Variants in ADAM19 observed in about 807,000 individuals in gnomAD.
ADAM19 encodes ADAM metallopeptidase domain 19.
ADAM19 carries 65 observed loss-of-function variants against 114.7 expected under a neutral mutation model. The observed-to-expected ratio is 0.57, with a 90% CI of 0.46 to 0.70. ADAM19 has a LOEUF of 0.70. ADAM19 is among the 30% of genes least tolerant of loss of function. ADAM19 has a pLI of 0.00. For synonymous variants in ADAM19, 466 were observed against 460.5 expected (o/e 1.01, Z -0.15); for missense variants, 1,063 against 1,204.7 (o/e 0.88, Z 1.74).
Position 157,494,705 on chromosome 5 carries a change from T to C in ADAM19, c.1685A>G (p.His562Arg). 6.2e-7 allele frequency: 1 copy of C among 1,613,580 alleles called. No homozygotes were observed. ...TCATCACCTCATGTTGCACTTCCTG[T>C]GTTCACCATTCATGTCCTTTCCACA... Reference protein sequence around the residue: ...GNCGKDMNGEHRKCNMRDAKC... With the variant: ...GNCGKDMNGERRKCNMRDAKC... The change falls in exon 15 of 23, where the codon CAC becomes CGC. Residue 562 changes from histidine to arginine, a missense_variant. His to Arg is a conservative substitution (Grantham distance 29). Coordinates refer to ENST00000257527, the MANE Select transcript of ADAM19 (RefSeq NM_033274.5).
In ADAM19 at chr5:157,479,042, G is replaced by A; in HGVS notation, c.*1907C>T. 1 of 985,808 alleles carries A rather than the reference G, an allele frequency of 1.0e-6. No individual in the cohort carries two copies. The highest frequency in any genetic ancestry group is 1.2e-6 in the Non-Finnish European group (1 of 829,954). The allele number at this position is 985,808 out of a possible 1,614,324, so 61.1% of individuals were successfully genotyped here. On this transcript the variant is annotated 3_prime_UTR_variant, in exon 23 of 23. Transcript: ENST00000257527. Reference sequence around the variant, plus strand: ...CTTTACTTTCCAGGAACCAAGCCTTGAGGCAGAGGGTAGCACATTTAAATA... The same window carrying A: ...CTTTACTTTCCAGGAACCAAGCCTTAAGGCAGAGGGTAGCACATTTAAATA...
intron 4 of ADAM19, 87 bp downstream of exon 4, chr5:157,537,826 C>T: frequency 4.8e-6 from 6 of 1,252,530 alleles, no homozygotes; most frequent in South Asian, 2.5e-5. Context: ...AGAGGAGAGA[C>T]CAACTCCATC....
At chr5:157,568,355 A>T (rs1168328249) in intron 2 of ADAM19, 4 of 152,172 alleles carry the variant, frequency 2.6e-5, no homozygotes, top group South Asian at 2.1e-4. Flanking sequence ...ACTGATATTT[A>T]AAAAAGGATG....
intron 4 of ADAM19, among the ~76,000 whole-genome samples, chr5:157,532,979 G>A (rs1284722772): frequency 7.2e-5 from 11 of 152,166 alleles, no homozygotes; most frequent in Admixed American, 4.6e-4. Context: ...AGTGGCAGGC[G>A]ATAAACATCG....
intron 7 of ADAM19, among the ~76,000 whole-genome samples, chr5:157,517,188 C>T (rs182470138): frequency 5.9e-4 from 90 of 152,242 alleles, no homozygotes; most frequent in African/African-American, 2.2e-3. Context: ...AGTGCTCTCC[C>T]CACCACCAGG....
At chr5:157,546,697 T>C (rs991590724) in intron 3 of ADAM19, among the ~76,000 whole-genome samples, 1 of 152,184 alleles carries the variant, frequency 6.6e-6, no homozygotes, top group African/African-American at 2.4e-5. Context: ...TTGGCCCTTC[T>C]GGCCCTCTCC....
At chr5:157,500,884 C>G (rs952338694) in intron 12 of ADAM19, among the ~76,000 whole-genome samples, 5 of 152,198 alleles carry the variant, frequency 3.3e-5, no homozygotes, top group African/African-American at 1.2e-4. Flanking sequence ...CCACAGATCT[C>G]TCCACCACAG....
intron 7 of ADAM19, among the ~76,000 whole-genome samples, chr5:157,516,426 G>A (rs1236872162): frequency 2.6e-5 from 4 of 152,174 alleles, no homozygotes; most frequent in African/African-American, 7.2e-5. Flanking sequence ...CTCTGGAGGT[G>A]TGCTGTGACT....
At chr5:157,556,209 C>CTTTTTTTTTTTTTTTTTTTTT (rs68078503) in intron 3 of ADAM19, among the ~76,000 whole-genome samples, 1 of 66,328 alleles carries the variant, frequency 1.5e-5, no homozygotes, top group African/African-American at 6.0e-5. Flanking sequence ...TTTTCTTTTT[C>CTTTTTTTTTTTTTTTTTTTTT]TTTTTTTTTT....
At position 157,519,887 on chromosome 5, in the gene ADAM19, C is replaced by T; in HGVS notation, c.552G>A (p.Arg184=). 6.2e-7 allele frequency: 1 copy of T among 1,614,032 alleles called. No homozygotes were observed. Among genetic ancestry groups the T allele is most frequent in the Non-Finnish European group, 8.5e-7 (1 of 1,179,994 alleles). Residue 184 remains arginine, a synonymous_variant, in exon 6 of 23, where the codon AGG becomes AGA. Coordinates refer to ENST00000257527, the MANE Select transcript of ADAM19 (RefSeq NM_033274.5). ...GTTGTGTAAACTGAAGAGCCCAGTC[C>T]CTGGTGGTGGGCTTGGAGTGCTCGA... ...CGFEHSKPTT[R]DWALQFTQQT...
chr5:157,564,118 C>A (rs1186384654), intron 3 of ADAM19, among the ~76,000 whole-genome samples: 1 of 152,222 alleles, frequency 6.6e-6, no homozygotes, highest in Non-Finnish European at 1.5e-5. Context: ...TCTGTGTGCC[C>A]GCAGTGAACT....
rs1754670016 is a variant in ADAM19, at chr5:157,478,886, T to G, written c.*2063A>C. ...TCACTATGGCTGTGGCGCTGTCATT[T>G]CAGAGCTATCTACCTCCTGATGTGA... is the stretch of plus-strand genomic sequence containing the variant. On this transcript the variant is annotated 3_prime_UTR_variant, in exon 23 of 23. Transcript: ENST00000257527. The G allele has an allele frequency of 2.0e-6, 2 of 985,766 alleles. No individual in the cohort carries two copies. Among genetic ancestry groups the G allele is most frequent in the Non-Finnish European group, 2.4e-6 (2 of 829,948 alleles). 61.1% of individuals were successfully genotyped at this position (985,766 alleles called of 1,614,324 possible).
At chr5:157,526,105 T>A (rs1756444649) in intron 5 of ADAM19, among the ~76,000 whole-genome samples, 1 of 151,500 alleles carries the variant, frequency 6.6e-6, no homozygotes, top group African/African-American at 2.4e-5. Flanking sequence ...GGAAAAAAAA[T>A]ACAAAACTGT....
rs1757952792 is a variant in ADAM19, at chr5:157,575,640, G to A, written c.57C>T (p.Pro19=). ...RLCLLAFALQ[P]LRPRAAREPG... is the part of the protein sequence containing the mutation. ...GCTCCCGCGCCGCCCGCGGCCGGAG[G>A]GGCTGCAGGGCAAACGCCAGCAAGC... Residue 19 remains proline (P), a synonymous_variant, in exon 1 of 23, where the codon CCC becomes CCT. Coordinates refer to ENST00000257527, the MANE Select transcript of ADAM19 (RefSeq NM_033274.5). The A allele has an allele frequency of 7.0e-7, 1 of 1,428,206 alleles. No homozygotes were observed. The highest frequency in any genetic ancestry group is 9.1e-7 in the Non-Finnish European group (1 of 1,097,826). The allele number at this position is 1,428,206 out of a possible 1,614,324, so 88.5% of individuals were successfully genotyped here.
intron 1 of ADAM19, chr5:157,572,425 T>C (rs1757856735): frequency 3.0e-6 from 1 of 336,696 alleles, no homozygotes; most frequent in Admixed American, 3.4e-5. Context: ...GTAGTGTTCC[T>C]GGGAATGGGG....
intron 11 of ADAM19, among the ~76,000 whole-genome samples, chr5:157,504,593 A>T (rs1306224067): frequency 6.6e-6 from 1 of 152,146 alleles, no homozygotes; most frequent in Non-Finnish European, 1.5e-5. Flanking sequence ...TAATTTTAAA[A>T]AATTGACACC....
chr5:157,573,352 T>A (rs1382500049), intron 1 of ADAM19, among the ~76,000 whole-genome samples: 1 of 152,230 alleles, frequency 6.6e-6, no homozygotes, highest in Non-Finnish European at 1.5e-5. Context: ...ATTGACTTTT[T>A]ATTTACCATT....
chr5:157,552,666 G>A (rs1171322983), intron 3 of ADAM19, among the ~76,000 whole-genome samples: 13 of 142,048 alleles, frequency 9.2e-5, no homozygotes, highest in South Asian at 6.9e-4. Context: ...GTGACAGAGC[G>A]GGACTCTACT....
chr5:157,518,522 T>C (rs1756161794), intron 7 of ADAM19, among the ~76,000 whole-genome samples: 1 of 152,160 alleles, frequency 6.6e-6, no homozygotes, highest in Admixed American at 6.5e-5. Flanking sequence ...GTAGCTGGGA[T>C]TACAGGCATG....
Sources: gnomAD v4.1 joint callset for allele counts (sites outside exome capture counted in the v4.1 genomes callset) on GRCh38, gnomAD v4.1.1 for gene constraint, MANE v1.5 for transcripts, NCBI Gene and HGNC (gene_info 2026-07-23, HGNC 2026-07-21) for gene names.